TTBK2: variants seen among roughly 807,000 people sequenced by gnomAD.
TTBK2 encodes tau tubulin kinase 2.
A neutral mutation model predicts 110.8 loss-of-function variants in TTBK2; 28 were observed. The observed-to-expected ratio is 0.25, with a 90% confidence interval of 0.19 to 0.35. The LOEUF is 0.35. Among genes scored for constraint, TTBK2 ranks in the 10% least tolerant of loss-of-function variants. The probability of loss-of-function intolerance (pLI) is 1.00; values close to 1 mark genes in which losing one functional copy is unlikely to be tolerated. For missense variants in TTBK2, 1,369 were observed against 1,500.3 expected, an observed-to-expected ratio of 0.91 and a Z score of 1.45; for synonymous variants, 532 against 527.3, an observed-to-expected ratio of 1.01 and a Z score of -0.12.
chr15:42,810,813 G>T, intron 8 of TTBK2, 74 bp from the exon 9 acceptor site: 1 of 1,553,240 alleles, frequency 6.4e-7, no homozygotes, highest in Non-Finnish European at 8.8e-7. Context: ...CTCAGTAACC[G>T]TCTCAAGGGT....
At chr15:42,825,382 T>G (rs1450049422) in intron 6 of TTBK2, among the ~76,000 whole-genome samples, 1 of 152,160 alleles carries the variant, frequency 6.6e-6, no homozygotes, top group Non-Finnish European at 1.5e-5. Flanking sequence ...GGTAATATGA[T>G]AGCCACTTAA....
At chr15:42,813,188 G>A (rs555425414) in intron 7 of TTBK2, among the ~76,000 whole-genome samples, 2 of 152,162 alleles carry the variant, frequency 1.3e-5, no homozygotes, top group Admixed American at 1.3e-4. Flanking sequence ...TTGAATGCAG[G>A]ACTCCAAAGA....
chr15:42,832,607 C>T (rs373047472), intron 4 of TTBK2, among the ~76,000 whole-genome samples: 2 of 152,266 alleles, frequency 1.3e-5, no homozygotes, highest in South Asian at 2.1e-4. Flanking sequence ...TTGCTGGTTT[C>T]AGTTACCCAC....
chr15:42,751,300 G>A (rs995627707), intron 14 of TTBK2, among the ~76,000 whole-genome samples: 8 of 152,236 alleles, frequency 5.3e-5, no homozygotes, highest in Admixed American at 1.3e-4. Context: ...AAGGAGTGGG[G>A]ATGGAGACTG....
chr15:42,886,286 C>T (rs1451653040), intron 1 of TTBK2, among the ~76,000 whole-genome samples: 3 of 152,166 alleles, frequency 2.0e-5, no homozygotes, highest in African/African-American at 7.2e-5. Context: ...CTCCCCACAC[C>T]CAGTCTGGCT....
chr15:42,875,207 T>C (rs1894770275), intron 2 of TTBK2, among the ~76,000 whole-genome samples: 1 of 152,166 alleles, frequency 6.6e-6, no homozygotes, highest in Non-Finnish European at 1.5e-5. Flanking sequence ...TTTCTATTCC[T>C]ATAATGCCAT....
At chr15:42,774,371 A>G (rs1317628) in intron 13 of TTBK2, among the ~76,000 whole-genome samples, 7,718 of 152,180 alleles carry the variant, frequency 0.051, 547 homozygotes, top group African/African-American at 0.15. Context: ...TTGCTTGGCC[A>G]TCTCTGGCTT....
chr15:42,772,699 A>T (rs1161827812), intron 13 of TTBK2, among the ~76,000 whole-genome samples: 1 of 152,138 alleles, frequency 6.6e-6, no homozygotes, highest in Non-Finnish European at 1.5e-5. Context: ...TAATCCCAAG[A>T]TTATAGACAG....
chr15:42,851,053 G>A lies in TTBK2; in HGVS notation c.218-10620C>T, dbSNP rs539967961. Among the ~76,000 whole-genome samples the A allele has an allele frequency of 7.9e-5, 12 of 151,202 alleles. No homozygotes were observed. In the East Asian group the frequency reaches 1.7e-3, roughly 22 times the overall value. On this transcript the variant is annotated intron_variant, in intron 3 of 14. Coordinates refer to ENST00000267890, the MANE Select transcript of TTBK2 (RefSeq NM_173500.4). Reference sequence around the variant, plus strand: ...ATCCTGGCTAACACAGTGAGACCCCGTCTCTACTAAAAATAAAAAAATAAA... The same window carrying A: ...ATCCTGGCTAACACAGTGAGACCCCATCTCTACTAAAAATAAAAAAATAAA...
chr15:42,774,102 C>A (rs758379679), intron 13 of TTBK2, among the ~76,000 whole-genome samples: 24 of 152,202 alleles, frequency 1.6e-4, no homozygotes, highest in Non-Finnish European at 2.5e-4. Flanking sequence ...AGGCAAATTT[C>A]TCAGAACTGT....
chr15:42,806,263 C>CA (rs1380620520), intron 9 of TTBK2, among the ~76,000 whole-genome samples: 1 of 152,090 alleles, frequency 6.6e-6, no homozygotes, highest in Admixed American at 6.6e-5. Flanking sequence ...GACTATGTCT[C>CA]AAAAAACAAA....
At chr15:42,903,479 T>A (rs1328496588) in intron 1 of TTBK2, among the ~76,000 whole-genome samples, 1 of 152,230 alleles carries the variant, frequency 6.6e-6, no homozygotes, top group Non-Finnish European at 1.5e-5. Context: ...ATAGGACTAC[T>A]AGGCACTCCT....
At chr15:42,763,277 G>A (rs1023993315) in intron 13 of TTBK2, among the ~76,000 whole-genome samples, 4 of 117,178 alleles carry the variant, frequency 3.4e-5, no homozygotes, top group Non-Finnish European at 4.9e-5. Context: ...CACAGAGTGC[G>A]ATCTTTGCTC....
Position 42,745,958 on chromosome 15 carries a change from G to A in TTBK2, c.3572C>T (p.Pro1191Leu). 6.2e-7 allele frequency: 1 copy of A among 1,614,158 alleles called. No homozygotes were observed. Among genetic ancestry groups the A allele is most frequent in the Non-Finnish European group, 8.5e-7 (1 of 1,180,028 alleles). The change falls in exon 15 of 15, where the codon CCT (proline) becomes CTT (leucine). Residue 1191 changes from proline to leucine, a missense_variant. Pro to Leu is a moderately conservative substitution (Grantham distance 98, BLOSUM62 -3). Around this residue, in one of 4 missense-constraint regions of TTBK2, gnomAD observed 1,097 missense variants for 1,114.7 expected, o/e 0.98. Transcript: ENST00000267890. ...GGAGGAAGATCCTGAGTGGCTGGGA[G>A]GTGACTTGCTTCTCCCCAGATGTGG... is the stretch of plus-strand genomic sequence containing the variant. Reference protein sequence around the residue: ...SSPHLGRSKSPPSHSGSSSSR... With the variant: ...SSPHLGRSKSLPSHSGSSSSR...
At chr15:42,826,477 T>C (rs746435460) in intron 6 of TTBK2, among the ~76,000 whole-genome samples, 3 of 152,218 alleles carry the variant, frequency 2.0e-5, no homozygotes, top group Non-Finnish European at 4.4e-5. Flanking sequence ...GTACATGTTT[T>C]ATGGCTGGCC....
chr15:42,776,910 T>C, intron 12 of TTBK2, 121 bp downstream of exon 12: 1 of 1,042,070 alleles, frequency 9.6e-7, no homozygotes, highest in Non-Finnish European at 1.4e-6. Context: ...GTTACAAAAA[T>C]GCAAGGATTT....
At chr15:42,785,427 A>T (rs1176416206) in intron 10 of TTBK2, among the ~76,000 whole-genome samples, 5 of 152,112 alleles carry the variant, frequency 3.3e-5, no homozygotes. Flanking sequence ...GGCCACTTGC[A>T]GACTTTTTAC....
chr15:42,757,701 C>T (rs919985330), intron 13 of TTBK2, among the ~76,000 whole-genome samples: 5 of 152,182 alleles, frequency 3.3e-5, no homozygotes, highest in African/African-American at 9.6e-5. Context: ...ATACTTGGGG[C>T]GCTCTACAAA....
intron 9 of TTBK2, chr15:42,800,866 A>C (rs1280682281): frequency 3.3e-6 from 2 of 605,088 alleles, no homozygotes; most frequent in African/African-American, 3.7e-5. Context: ...GCTAGGGCTG[A>C]GCCTCGGGTG....
Sources: gnomAD v4.1 joint callset for allele counts (sites outside exome capture counted in the v4.1 genomes callset) on GRCh38, gnomAD v4.1.1 for gene constraint, gnomAD v4.1.1 regional missense constraint, MANE v1.5 for transcripts, NCBI Gene and HGNC (gene_info 2026-07-23, HGNC 2026-07-21) for gene names.